ANO3: variants seen among roughly 807,000 people sequenced by gnomAD.
The protein encoded by ANO3 is anoctamin 3, also known as anoctamin-3.
Under a neutral mutation model 144.8 loss-of-function variants are expected in ANO3, and 99 were observed. The ratio of observed to expected loss-of-function variants is 0.68; its 90% CI spans 0.58 to 0.81. The LOEUF (loss-of-function observed/expected upper bound fraction) is 0.81. ANO3 is among the 30% of genes least tolerant of loss of function. ANO3 has a pLI of 0.00. For synonymous variants in ANO3, 414 were observed against 392.6 expected (o/e 1.05, Z -0.64); for missense variants, 905 against 1,202.2 (o/e 0.75, Z 3.66).
In ANO3 at chr11:26,420,792, C is replaced by T. The variant is rs554918601; in HGVS notation, c.47-21126C>T. ...CCTGGCCACAATCTTGTAAATATTC[C>T]CTTCATTAAATTTATTTCAGATGCT... On this transcript the variant is annotated intron_variant, in intron 1 of 26. Coordinates refer to ENST00000256737, the MANE Select transcript of ANO3 (RefSeq NM_031418.4). Among the ~76,000 whole-genome samples, 526 of 152,044 alleles carry T rather than the reference C, an allele frequency of 3.5e-3. 6 individuals carry two copies. Among genetic ancestry groups the T allele is most frequent in the African/African-American group, 0.012 (512 of 41,474 alleles).
intron 1 of ANO3, among the ~76,000 whole-genome samples, chr11:26,214,351 T>A (rs1412976967): frequency 6.6e-6 from 1 of 151,968 alleles, no homozygotes; most frequent in Admixed American, 6.6e-5. Context: ...AGTTTACAAC[T>A]GTCATGCATT....
At chr11:26,576,150 C>T (rs1850980684) in intron 14 of ANO3, among the ~76,000 whole-genome samples, 1 of 152,124 alleles carries the variant, frequency 6.6e-6, no homozygotes, top group Non-Finnish European at 1.5e-5. Flanking sequence ...CAAGCTCAGG[C>T]TACCACGTCA....
intron 1 of ANO3, among the ~76,000 whole-genome samples, chr11:26,246,108 G>C (rs1852786321): frequency 6.6e-6 from 1 of 152,104 alleles, no homozygotes; most frequent in Admixed American, 6.5e-5. Flanking sequence ...AGAGGGGGAA[G>C]GTAAGGGAGA....
intron 1 of ANO3, among the ~76,000 whole-genome samples, chr11:26,344,368 CTTTT>C (rs10683178): frequency 7.2e-6 from 1 of 137,986 alleles, no homozygotes; most frequent in Non-Finnish European, 1.5e-5. Flanking sequence ...AAAATATTGT[CTTTT>C]TTTTTTTTTT....
intron 17 of ANO3, among the ~76,000 whole-genome samples, chr11:26,613,747 T>G (rs1852167551): frequency 6.6e-6 from 1 of 152,000 alleles, no homozygotes; most frequent in African/African-American, 2.4e-5. Flanking sequence ...ACAATACTTG[T>G]CAGTGATGTC....
intron 1 of ANO3, among the ~76,000 whole-genome samples, chr11:26,303,553 C>T (rs974876613): frequency 5.9e-5 from 9 of 151,934 alleles, no homozygotes; most frequent in African/African-American, 1.5e-4. Context: ...AAGAGGGAGA[C>T]GGAGGAAGGA....
chr11:26,355,062 C>G (rs1855744329), intron 1 of ANO3, among the ~76,000 whole-genome samples: 2 of 147,774 alleles, frequency 1.4e-5, no homozygotes, highest in Admixed American at 6.8e-5. Context: ...CTGTCTCATT[C>G]TGCTCCAGTG....
chr11:26,628,651 T>G (rs2133024962), intron 18 of ANO3, among the ~76,000 whole-genome samples: 1 of 152,352 alleles, frequency 6.6e-6, no homozygotes, highest in East Asian at 1.9e-4. Flanking sequence ...TAACTTCCAT[T>G]GTTTCAGTTG....
intron 3 of ANO3, among the ~76,000 whole-genome samples, chr11:26,453,284 C>A (rs1859020276): frequency 6.6e-6 from 1 of 151,454 alleles, no homozygotes. Flanking sequence ...CACAGACTGG[C>A]AAATTGGATA....
chr11:26,232,561 G>A (rs1402969267), intron 1 of ANO3, among the ~76,000 whole-genome samples: 1 of 152,080 alleles, frequency 6.6e-6, no homozygotes, highest in African/African-American at 2.4e-5. Context: ...AAATGATGCA[G>A]GGAAAACTGG....
chr11:26,543,837 T>C (rs1271063136), intron 11 of ANO3, among the ~76,000 whole-genome samples: 1 of 152,162 alleles, frequency 6.6e-6, no homozygotes, highest in African/African-American at 2.4e-5. Context: ...ATGTGCCACA[T>C]TTTCTTAATC....
chr11:26,366,838 T>C, intron 1 of ANO3, among the ~76,000 whole-genome samples: 1 of 150,840 alleles, frequency 6.6e-6, no homozygotes, highest in African/African-American at 2.5e-5. Flanking sequence ...TGTTTTTTTC[T>C]TGTAAATTTG....
At chr11:26,527,161 T>A (rs1423401352) in intron 7 of ANO3, among the ~76,000 whole-genome samples, 1 of 152,258 alleles carries the variant, frequency 6.6e-6, no homozygotes, top group South Asian at 2.1e-4. Context: ...AAAGCTATCA[T>A]GGCAAATGCG....
chr11:26,237,091 G>T (rs1258668369), intron 1 of ANO3, among the ~76,000 whole-genome samples: 1 of 152,024 alleles, frequency 6.6e-6, no homozygotes, highest in African/African-American at 2.4e-5. Flanking sequence ...CGGCAAAACT[G>T]TGTGTGAATT....
intron 4 of ANO3, among the ~76,000 whole-genome samples, chr11:26,476,967 G>A (rs1310436811): frequency 6.6e-6 from 1 of 151,410 alleles, no homozygotes; most frequent in African/African-American, 2.4e-5. Flanking sequence ...TAATACTGCT[G>A]AGGATATAGG....
chr11:26,380,882 T>C (rs939857083), intron 1 of ANO3, among the ~76,000 whole-genome samples: 2 of 151,990 alleles, frequency 1.3e-5, no homozygotes, highest in Non-Finnish European at 2.9e-5. Flanking sequence ...CTCGGGAGGC[T>C]GAGACAGGAG....
At chr11:26,473,176 T>C (rs1859843842) in intron 4 of ANO3, among the ~76,000 whole-genome samples, 1 of 151,994 alleles carries the variant, frequency 6.6e-6, no homozygotes, top group South Asian at 2.1e-4. Context: ...AAAGCATGCT[T>C]ATTAACTCAA....
At chr11:26,443,234 G>A (rs1858585901) in intron 2 of ANO3, among the ~76,000 whole-genome samples, 1 of 152,078 alleles carries the variant, frequency 6.6e-6, no homozygotes, top group African/African-American at 2.4e-5. Flanking sequence ...TGTCTACTAT[G>A]TAAAGTGGCA....
At chr11:26,540,729 A>G (rs1849621658) in intron 10 of ANO3, among the ~76,000 whole-genome samples, 5 of 152,218 alleles carry the variant, frequency 3.3e-5, no homozygotes, top group Admixed American at 3.3e-4. Context: ...AGAAATGCAA[A>G]TCAAAACCAC....
Sources: gnomAD v4.1 joint callset for allele counts (sites outside exome capture counted in the v4.1 genomes callset) on GRCh38, gnomAD v4.1.1 for gene constraint, MANE v1.5 for transcripts, NCBI Gene and HGNC (gene_info 2026-07-23, HGNC 2026-07-21) for gene names.